PRTG: variants seen among roughly 807,000 people sequenced by gnomAD.
PRTG encodes the protein protogenin, also known as immunoglobulin superfamily, DCC subclass, member 5.
A neutral mutation model predicts 122.5 loss-of-function variants in PRTG; 67 were observed. The observed-to-expected ratio is 0.55, with a 90% CI of 0.45 to 0.67. The LOEUF (loss-of-function observed/expected upper bound fraction) is 0.67. PRTG is among the 30% of genes least tolerant of loss of function. PRTG has a pLI of 0.00. For missense variants in PRTG, 1,435 were observed against 1,415.4 expected (o/e 1.01, Z -0.22); for synonymous variants, 554 against 501.1 (o/e 1.11, Z -1.41).
At position 55,682,348 on chromosome 15, in the gene PRTG, CCA is replaced by C; in HGVS notation, c.676+14_676+15del. On this transcript the variant is annotated intron_variant, in intron 4 of 19. Transcript: ENST00000389286. ...ATAAAACGTCATAAAAATGGAAAAACCACTCTGCGTGGTACCTGGAATCACAG... is the reference window on the plus strand; with the variant it reads ...ATAAAACGTCATAAAAATGGAAAAACCTCTGCGTGGTACCTGGAATCACAG... 1 of 1,555,778 alleles carries C rather than the reference CCA, an allele frequency of 6.4e-7. No homozygotes were observed.
intron 2 of PRTG, among the ~76,000 whole-genome samples, chr15:55,685,078 C>T (rs1243852550): frequency 6.6e-6 from 1 of 152,158 alleles, no homozygotes; most frequent in Non-Finnish European, 1.5e-5. Flanking sequence ...AGGTCCACTA[C>T]TATAGTCTTC....
chr15:55,620,678 C>A lies in PRTG; in HGVS notation c.3183G>T (p.Lys1061Asn), dbSNP rs763112005. ...GATAGGTTACCTGCTCAACTTGTAT[C>A]TTCTTTGAGTCTTGGAAAAAAAACC... ...KKWFFFQDSK[K>N]IQVEQPQRRF... Residue 1061 changes from lysine (K) to asparagine (N), a missense_variant, in exon 19 of 20, where the codon AAG becomes AAT. Transcript: ENST00000389286. 5.7e-6 allele frequency: 9 copies of A among 1,592,632 alleles called. No homozygotes were observed. The highest frequency in any genetic ancestry group is 1.7e-4 in the Middle Eastern group (1 of 5,906).
rs1567124349 is a variant in PRTG, at chr15:55,742,824, G to A, written c.94+14C>T. The A allele has an allele frequency of 8.4e-6, 13 of 1,541,298 alleles. No individual in the cohort carries two copies. Among genetic ancestry groups the A allele is most frequent in the Middle Eastern group, 1.9e-4 (1 of 5,200 alleles). Reference sequence around the variant, plus strand: ...CCCACAGCGGTAAGAGAAAGCAGAAGAAAGCGCGCCCACCTGGCAAAGGAC... The same window carrying A: ...CCCACAGCGGTAAGAGAAAGCAGAAAAAAGCGCGCCCACCTGGCAAAGGAC... On this transcript the variant is annotated intron_variant, in intron 1 of 19. Transcript: ENST00000389286.
Position 55,627,131 on chromosome 15 carries a change from A to G in PRTG, c.2807-3T>C, listed in dbSNP as rs768235402. Reference sequence around the variant, plus strand: ...CAGATGGTAATATCCTGAATAAACTAGAAGGGAAAACACATTTACTCAGAA... The same window carrying G: ...CAGATGGTAATATCCTGAATAAACTGGAAGGGAAAACACATTTACTCAGAA... On this transcript the variant is annotated splice_region_variant and splice_polypyrimidine_tract_variant and intron_variant, in intron 16 of 19. Transcript: ENST00000389286. 1 of 1,573,670 alleles carries G rather than the reference A, an allele frequency of 6.4e-7. No homozygotes were observed. Among genetic ancestry groups the G allele is most frequent in the Non-Finnish European group, 8.7e-7 (1 of 1,152,070 alleles).
Position 55,743,077 on chromosome 15 carries a change from C to T in PRTG, c.-146G>A, listed in dbSNP as rs1224494900. ...TCCGGCACCGGCGTGGCGAGCGTCT[C>T]TGCGGCGGCGAGGCTGGTGCTCGGA... On this transcript the variant is annotated 5_prime_UTR_variant, in exon 1 of 20. Transcript: ENST00000389286. 2 of 1,290,982 alleles carry T rather than the reference C, an allele frequency of 1.5e-6. No homozygotes were observed. Among genetic ancestry groups the T allele is most frequent in the Non-Finnish European group, 2.0e-6 (2 of 1,024,162 alleles). 80.0% of individuals were successfully genotyped at this position (1,290,982 alleles called of 1,614,324 possible).
rs779078115 is a variant in PRTG, at chr15:55,618,453, C to T, written c.*1559G>A. The stretch of plus-strand genomic sequence containing the variant: ...AAATACTTTTAAAAGGATATGGGAC[C>T]CCTTCTCTACACGCGTTTAGTTCTT... On this transcript the variant is annotated 3_prime_UTR_variant, in exon 20 of 20. Transcript: ENST00000389286. 7.2e-5 allele frequency: 11 copies of T among 152,042 alleles called. No homozygotes were observed. The highest frequency in any genetic ancestry group is 2.6e-4 in the Admixed American group (4 of 15,252). The allele number at this position is 152,042 out of a possible 1,614,324, so 9.4% of individuals were successfully genotyped here.
chr15:55,740,718 G>A (rs1340289692), intron 1 of PRTG, 34 bp from the exon 2 acceptor site: 1 of 1,549,826 alleles, frequency 6.5e-7, no homozygotes. Context: ...GGCACATCCA[G>A]AATTACAGGC....
At chr15:55,692,255 A>G (rs1007818003) in intron 2 of PRTG, among the ~76,000 whole-genome samples, 2 of 152,048 alleles carry the variant, frequency 1.3e-5, no homozygotes, top group Non-Finnish European at 2.9e-5. Context: ...ACTTAGAGGG[A>G]GAGAGTTTAG....
intron 7 of PRTG, among the ~76,000 whole-genome samples, chr15:55,678,383 G>A (rs775188668): frequency 1.3e-5 from 2 of 151,992 alleles, no homozygotes; most frequent in African/African-American, 2.4e-5. Flanking sequence ...CTGAGTAGCC[G>A]GGACTCCAGG....
At chr15:55,665,054 C>T (rs55912889) in intron 11 of PRTG, among the ~76,000 whole-genome samples, 6 of 151,574 alleles carry the variant, frequency 4.0e-5, no homozygotes, top group Non-Finnish European at 8.8e-5. Flanking sequence ...GTCAGGAGAT[C>T]GAGACCATCC....
intron 8 of PRTG, among the ~76,000 whole-genome samples, chr15:55,676,831 T>C (rs2059505476): frequency 6.6e-6 from 1 of 152,220 alleles, no homozygotes. Flanking sequence ...TACTCCAGCA[T>C]GCTCAGTTAT....
At chr15:55,715,547 T>C (rs1408896768) in intron 2 of PRTG, among the ~76,000 whole-genome samples, 1 of 152,210 alleles carries the variant, frequency 6.6e-6, no homozygotes, top group African/African-American at 2.4e-5. Flanking sequence ...CCCTAACGGA[T>C]ACTTTAGTGT....
At chr15:55,641,868 T>C (rs1448237266) in intron 11 of PRTG, among the ~76,000 whole-genome samples, 2 of 152,042 alleles carry the variant, frequency 1.3e-5, no homozygotes, top group African/African-American at 2.4e-5. Context: ...CCTAAAACAA[T>C]TTTTTTCAGG....
rs1165953491 is a variant in PRTG at position 55,613,554 on chromosome 15, T to C, written c.*6458A>G. 1 of 152,044 alleles carries C rather than the reference T, an allele frequency of 6.6e-6. No individual in the cohort carries two copies. Among genetic ancestry groups the C allele is most frequent in the Admixed American group, 6.6e-5 (1 of 15,236 alleles). The allele number at this position is 152,044 out of a possible 1,614,324, so 9.4% of individuals were successfully genotyped here. On this transcript the variant is annotated 3_prime_UTR_variant, in exon 20 of 20. Transcript: ENST00000389286. ...ATGGAAGGTTTTGGAGGAGAGAAAT[T>C]AGGAGATGATAAGGGATGAGTTACA...
intron 2 of PRTG, among the ~76,000 whole-genome samples, chr15:55,691,877 A>G (rs975884246): frequency 3.3e-5 from 5 of 151,894 alleles, no homozygotes; most frequent in Non-Finnish European, 7.4e-5. Flanking sequence ...TACAAAAAAA[A>G]GTTTTAAAAA....
chr15:55,646,527 T>C (rs977774872), intron 11 of PRTG, among the ~76,000 whole-genome samples: 2 of 151,668 alleles, frequency 1.3e-5, no homozygotes, highest in African/African-American at 4.8e-5. Flanking sequence ...TTTCACCGTG[T>C]TAACAAGGAT....
chr15:55,694,065 C>G (rs1008024070), intron 2 of PRTG, among the ~76,000 whole-genome samples: 1 of 152,018 alleles, frequency 6.6e-6, no homozygotes, highest in Non-Finnish European at 1.5e-5. Flanking sequence ...GTAATTTTTC[C>G]ATTTTGAATG....
chr15:55,669,095 G>T (rs949784541), intron 11 of PRTG, among the ~76,000 whole-genome samples: 1 of 151,262 alleles, frequency 6.6e-6, no homozygotes, highest in Non-Finnish European at 1.5e-5. Context: ...CAGAAACAAA[G>T]AACTGTGTGT....
At chr15:55,647,922 TG>T (rs2059333105) in intron 11 of PRTG, among the ~76,000 whole-genome samples, 1 of 152,230 alleles carries the variant, frequency 6.6e-6, no homozygotes, top group Non-Finnish European at 1.5e-5. Flanking sequence ...AAGTGTGTGT[TG>T]GCTTGCGTAT....
Sources: allele counts gnomAD v4.1 joint callset (sites outside exome capture counted in the v4.1 genomes callset), GRCh38; gene constraint gnomAD v4.1.1; transcripts MANE v1.5; gene names NCBI Gene and HGNC (gene_info 2026-07-23, HGNC 2026-07-21).